TSHZ3: variants seen among roughly 807,000 people sequenced by gnomAD.
The protein encoded by TSHZ3 is teashirt zinc finger homeobox 3.
In TSHZ3, 10 loss-of-function variants were observed where a neutral mutation model predicts 64.5. That is an observed-to-expected ratio of 0.16 (90% confidence interval 0.10 to 0.26). TSHZ3 has a LOEUF of 0.26. Among genes scored for constraint, TSHZ3 ranks in the 10% least tolerant of loss-of-function variants. TSHZ3 has a pLI of 1.00. For missense variants in TSHZ3, 1,242 were observed against 1,421.7 expected (o/e 0.87, Z 2.03); for synonymous variants, 608 against 593.1 (o/e 1.03, Z -0.36).
chr19:31,272,364 C>T (rs758649463), downstream of TSHZ3, among the ~76,000 whole-genome samples: 206 of 152,254 alleles, frequency 1.4e-3, no homozygotes, highest in Non-Finnish European at 2.1e-3. Flanking sequence ...CAGAGACTGC[C>T]GCCCTGAACT....
chr19:31,158,354 G>C (rs1974332299), intron 5 of TSHZ3, among the ~76,000 whole-genome samples: 1 of 152,206 alleles, frequency 6.6e-6, no homozygotes, highest in African/African-American at 2.4e-5. Context: ...CAGTGGATTA[G>C]TCTACTATTG....
intron 1 of TSHZ3, among the ~76,000 whole-genome samples, chr19:31,251,889 C>T (rs916700841): frequency 2.0e-5 from 3 of 152,192 alleles, no homozygotes; most frequent in Admixed American, 2.0e-4. Context: ...CGGAGCAAAC[C>T]GCCTCTGCTC....
intron 1 of TSHZ3, among the ~76,000 whole-genome samples, chr19:31,341,635 AC>A (rs1414264871): frequency 1.2e-4 from 9 of 77,160 alleles, no homozygotes; most frequent in African/African-American, 9.4e-4. Flanking sequence ...TCTCTGACAC[AC>A]ACACACACAC....
At chr19:31,164,616 A>C (rs1974418739) in intron 5 of TSHZ3, among the ~76,000 whole-genome samples, 1 of 152,068 alleles carries the variant, frequency 6.6e-6, no homozygotes, top group Non-Finnish European at 1.5e-5. Flanking sequence ...TGTTTGATAG[A>C]GCTTACACAA....
At chr19:31,307,025 C>T (rs1916318508) in intron 1 of TSHZ3, among the ~76,000 whole-genome samples, 3 of 151,852 alleles carry the variant, frequency 2.0e-5, no homozygotes, top group Admixed American at 1.3e-4. Flanking sequence ...CCTCATTCCA[C>T]CCCCACAAAT....
chr19:31,274,260 AG>A (rs1976187427), downstream of TSHZ3, among the ~76,000 whole-genome samples: 2 of 152,136 alleles, frequency 1.3e-5, no homozygotes. Context: ...ATAGTAATAA[AG>A]GTATTTTACA....
chr19:31,287,941 T>A (rs74845581), intron 1 of TSHZ3, among the ~76,000 whole-genome samples: 2,013 of 152,146 alleles, frequency 0.013, 54 homozygotes, highest in African/African-American at 0.045. Flanking sequence ...GATTTCTTTT[T>A]CTGTTTTTTT....
At chr19:31,182,690 A>C (rs1391608009) in intron 5 of TSHZ3, among the ~76,000 whole-genome samples, 2 of 152,174 alleles carry the variant, frequency 1.3e-5, no homozygotes, top group Non-Finnish European at 2.9e-5. Flanking sequence ...TTGCAGATAG[A>C]AGTGTATTGC....
chr19:31,258,370 G>A (rs973673755), intron 1 of TSHZ3, among the ~76,000 whole-genome samples: 1 of 152,156 alleles, frequency 6.6e-6, no homozygotes, highest in Non-Finnish European at 1.5e-5. Flanking sequence ...ACAGGACATG[G>A]AACAGGACTG....
At chr19:31,297,613 C>T (rs1318862014) in intron 1 of TSHZ3, among the ~76,000 whole-genome samples, 12 of 152,220 alleles carry the variant, frequency 7.9e-5, no homozygotes, top group East Asian at 5.8e-4. Context: ...TACAGGTGCA[C>T]ACCACCACGC....
chr19:31,250,252 C>A (rs545536758), intron 1 of TSHZ3, among the ~76,000 whole-genome samples: 26 of 152,354 alleles, frequency 1.7e-4, no homozygotes, highest in South Asian at 1.2e-3. Flanking sequence ...TCTAAATCAT[C>A]TTTTCCCTTT....
chr19:31,347,366 G>C (rs193122399), intron 1 of TSHZ3, among the ~76,000 whole-genome samples: 19 of 152,204 alleles, frequency 1.2e-4, no homozygotes, highest in Admixed American at 5.2e-4. Context: ...GAACTAGAGA[G>C]AGAGTTCTGA....
At chr19:31,180,306 G>A (rs371280518) in intron 5 of TSHZ3, among the ~76,000 whole-genome samples, 4 of 152,250 alleles carry the variant, frequency 2.6e-5, no homozygotes, top group African/African-American at 9.6e-5. Flanking sequence ...GCAAGGTACG[G>A]GCTGTACACC....
chr19:31,299,296 G>C (rs1976716283), intron 1 of TSHZ3, among the ~76,000 whole-genome samples: 1 of 152,218 alleles, frequency 6.6e-6, no homozygotes, highest in African/African-American at 2.4e-5. Context: ...TGCTTGGTGA[G>C]TCTGTTCATC....
rs373426655 is a variant in TSHZ3, at chr19:31,243,391, A to G, written n.64-516T>C. ...TACACACTTACAGACTTCACTTAAA[A>G]CAAGTCTGTGGGATTTTTGCCATAG... On this transcript the variant is annotated intron_variant and non_coding_transcript_variant, in intron 1 of 6. Transcript: ENST00000651361. 3.3e-5 allele frequency among the ~76,000 whole-genome samples: 5 copies of G among 152,292 alleles called. No individual in the cohort carries two copies. The East Asian group carries it at 5.8e-4, about 18-fold the overall frequency.
chr19:31,152,079 C>T lies in TSHZ3; in HGVS notation n.872-335G>A, dbSNP rs1481736793. ...TTGTAGAGACAAAGAGTCAATTCTC[C>T]CTGTAAATTTCTCACTAGACAGTTC... On this transcript the variant is annotated intron_variant and non_coding_transcript_variant, in intron 6 of 6. Transcript: ENST00000651361. 2.6e-5 allele frequency among the ~76,000 whole-genome samples: 4 copies of T among 152,008 alleles called. No homozygotes were observed. The East Asian group carries it at 7.7e-4, about 29-fold the overall frequency.
At chr19:31,293,062 TATCCATCCATCCAAAAATCCATCC>T (rs988055831) in intron 1 of TSHZ3, among the ~76,000 whole-genome samples, 3 of 131,108 alleles carry the variant, frequency 2.3e-5, no homozygotes, top group African/African-American at 7.9e-5. Context: ...TCCAAAAATG[TATCCATCCATCCAAAAATCCATCC>T]ATCCATCCAT....
At chr19:31,312,920 C>A (rs1191401467) in intron 1 of TSHZ3, among the ~76,000 whole-genome samples, 1 of 152,140 alleles carries the variant, frequency 6.6e-6, no homozygotes, top group African/African-American at 2.4e-5. Flanking sequence ...GATTTCACGG[C>A]GTTTATTTTT....
At chr19:31,271,255 C>T (rs146539749), downstream of TSHZ3, among the ~76,000 whole-genome samples, 536 of 152,210 alleles carry the variant, frequency 3.5e-3, 7 homozygotes, top group Non-Finnish European at 2.5e-3. Context: ...TTCCAGGGTT[C>T]GCTGGCCTTT....
Sources: allele counts gnomAD v4.1 joint callset (sites outside exome capture counted in the v4.1 genomes callset), GRCh38; gene constraint gnomAD v4.1.1; transcripts MANE v1.5; gene names NCBI Gene and HGNC (gene_info 2026-07-23, HGNC 2026-07-21).